The following ATP10A variants were observed in gnomAD, a reference collection of about 807,000 sequenced individuals.
The protein encoded by ATP10A is ATPase phospholipid transporting 10A (putative), also known as phospholipid-transporting ATPase VA.
ATP10A carries 111 observed loss-of-function variants against 147.8 expected under a neutral mutation model. That is an observed-to-expected ratio of 0.75 (90% CI 0.64 to 0.88). The LOEUF is 0.88. ATP10A is among the 40% of genes least tolerant of loss of function. The pLI is 0.00. For missense variants in ATP10A, 1,927 were observed against 1,959.0 expected (o/e 0.98, Z 0.31); for synonymous variants, 875 against 841.6 (o/e 1.04, Z -0.69).
chr15:25,706,812 G>C (rs529881574), intron 12 of ATP10A, among the ~76,000 whole-genome samples: 1 of 152,314 alleles, frequency 6.6e-6, no homozygotes, highest in South Asian at 2.1e-4. Context: ...ACAGTGAAGG[G>C]TTAAAAACAA....
In ATP10A at chr15:25,718,200, C is replaced by A; in HGVS notation, c.1563G>T (p.Thr521=). 6.2e-7 allele frequency: 1 copy of A among 1,613,004 alleles called. No homozygotes were observed. Among genetic ancestry groups the A allele is most frequent in the Non-Finnish European group, 8.5e-7 (1 of 1,179,946 alleles). Residue 521 remains threonine, a synonymous_variant, in exon 8 of 21, where the codon ACG becomes ACT. Coordinates refer to ENST00000555815, the MANE Select transcript of ATP10A (RefSeq NM_024490.4). ...AKRASMLSKH[T]AFSSPMEKDI... ...CACTCACCATGGGGCTGCTGAAGGC[C>A]GTGTGCTTGGACAGCATGCTGGCCC...
chr15:25,814,350 T>C (rs61991502), intron 1 of ATP10A, among the ~76,000 whole-genome samples: 23,696 of 152,176 alleles, frequency 0.16, 1,919 homozygotes, highest in South Asian at 0.22. Flanking sequence ...ACATTCATCA[T>C]GGGCAGACCT....
intron 1 of ATP10A, among the ~76,000 whole-genome samples, chr15:25,786,902 T>C (rs2140729635): frequency 6.6e-6 from 1 of 151,928 alleles, no homozygotes; most frequent in Non-Finnish European, 1.5e-5. Flanking sequence ...CCCAAAGTGC[T>C]GGGATTACAG....
chr15:25,763,308 C>T (rs1330451092), intron 2 of ATP10A, among the ~76,000 whole-genome samples: 3 of 152,174 alleles, frequency 2.0e-5, no homozygotes, highest in African/African-American at 7.2e-5. Flanking sequence ...TTCTAGATCA[C>T]TAATTTAACA....
At chr15:25,714,510 G>A (rs1241551842) in intron 9 of ATP10A, among the ~76,000 whole-genome samples, 1 of 152,106 alleles carries the variant, frequency 6.6e-6, no homozygotes. Context: ...ATTGCAAGCA[G>A]AGACAGTACT....
At chr15:25,762,116 A>T (rs1888791029) in intron 2 of ATP10A, among the ~76,000 whole-genome samples, 1 of 152,142 alleles carries the variant, frequency 6.6e-6, no homozygotes, top group Admixed American at 6.5e-5. Flanking sequence ...TGATGGTCTT[A>T]TAAGGGCCTT....
intron 1 of ATP10A, among the ~76,000 whole-genome samples, chr15:25,834,826 C>G (rs1370225979): frequency 6.6e-6 from 1 of 152,128 alleles, no homozygotes; most frequent in Admixed American, 6.5e-5. Context: ...TATGAATGAG[C>G]CTGCAAACAT....
At chr15:25,726,644 T>C (rs1902574054) in intron 4 of ATP10A, among the ~76,000 whole-genome samples, 1 of 151,718 alleles carries the variant, frequency 6.6e-6, no homozygotes, top group Non-Finnish European at 1.5e-5. Flanking sequence ...GGGGTTTCAC[T>C]ACGTTGGCCA....
At chr15:25,733,057 C>T (rs1887041028) in intron 3 of ATP10A, among the ~76,000 whole-genome samples, 1 of 152,140 alleles carries the variant, frequency 6.6e-6, no homozygotes, top group South Asian at 2.1e-4. Context: ...TTGCTACAAA[C>T]CCAAACTCAG....
chr15:25,780,175 G>A (rs977777600), intron 2 of ATP10A, among the ~76,000 whole-genome samples: 7 of 152,254 alleles, frequency 4.6e-5, no homozygotes, highest in African/African-American at 7.2e-5. Context: ...GGCTGGTGCC[G>A]AGGCCGATGG....
chr15:25,805,298 C>T (rs1292767814), intron 1 of ATP10A, among the ~76,000 whole-genome samples: 1 of 152,220 alleles, frequency 6.6e-6, no homozygotes, highest in African/African-American at 2.4e-5. Flanking sequence ...CGCCACCAGC[C>T]ACACAATTCC....
At chr15:25,847,032 T>C (rs1028953665) in intron 1 of ATP10A, among the ~76,000 whole-genome samples, 16 of 152,156 alleles carry the variant, frequency 1.1e-4, no homozygotes, top group Non-Finnish European at 2.4e-4. Flanking sequence ...ATCAATAACA[T>C]ATACATTTTT....
chr15:25,794,730 A>G (rs1341136470), intron 1 of ATP10A, among the ~76,000 whole-genome samples: 1 of 152,240 alleles, frequency 6.6e-6, no homozygotes, highest in African/African-American at 2.4e-5. Context: ...AACAAGGCTG[A>G]AACGCAGAAC....
intron 14 of ATP10A, 145 bp downstream of exon 14, chr15:25,694,673 GT>G: frequency 1.3e-6 from 1 of 756,538 alleles, no homozygotes; most frequent in Non-Finnish European, 2.1e-6. Context: ...TTCGGAACAT[GT>G]TGCCTGCTCT....
At chr15:25,839,806 C>G (rs1892736064) in intron 1 of ATP10A, among the ~76,000 whole-genome samples, 1 of 152,124 alleles carries the variant, frequency 6.6e-6, no homozygotes, top group Admixed American at 6.5e-5. Flanking sequence ...ACCCTTCACC[C>G]AGCCTCCCCT....
chr15:25,703,285 G>T (rs1161502183), intron 12 of ATP10A, among the ~76,000 whole-genome samples: 1 of 152,188 alleles, frequency 6.6e-6, no homozygotes, highest in Non-Finnish European at 1.5e-5. Context: ...AACCCAGGAG[G>T]TGGAGGTTGC....
intron 2 of ATP10A, among the ~76,000 whole-genome samples, chr15:25,770,017 C>T (rs777060030): frequency 6.6e-5 from 10 of 152,164 alleles, no homozygotes; most frequent in Admixed American, 3.3e-4. Context: ...CCAACTCTGT[C>T]GGCACCTTGA....
At chr15:25,859,621 T>C (rs1893667161) in intron 1 of ATP10A, among the ~76,000 whole-genome samples, 1 of 151,220 alleles carries the variant, frequency 6.6e-6, no homozygotes, top group South Asian at 2.1e-4. Context: ...TGAGCGTGGC[T>C]CAAGAGGGTT....
intron 1 of ATP10A, among the ~76,000 whole-genome samples, chr15:25,810,763 G>A (rs911684448): frequency 3.9e-5 from 6 of 152,048 alleles, no homozygotes; most frequent in Non-Finnish European, 5.9e-5. Flanking sequence ...AAAATAGCAC[G>A]CCAGGGATTC....
Sources: allele counts gnomAD v4.1 joint callset (sites outside exome capture counted in the v4.1 genomes callset), GRCh38; gene constraint gnomAD v4.1.1; transcripts MANE v1.5; gene names NCBI Gene and HGNC (gene_info 2026-07-23, HGNC 2026-07-21).